Variants in RPL32 observed in about 807,000 individuals in gnomAD.
The protein encoded by RPL32 is large ribosomal subunit protein eL32.
For missense variants in RPL32, 117 were observed against 173.7 expected, an observed-to-expected ratio of 0.67 and a Z score of 1.83; for synonymous variants, 61 against 62.6, an observed-to-expected ratio of 0.98 and a Z score of 0.12.
Position 12,839,494 on chromosome 3 carries a change from C to T in RPL32, c.133G>A (p.Val45Ile), listed in dbSNP as rs762913035. ...ATCTGGCCCTTGAATCTTCTACGAACCCTGTTGTCAATGCCTCTGGGTTTC... is the reference window on the plus strand; with the variant it reads ...ATCTGGCCCTTGAATCTTCTACGAATCCTGTTGTCAATGCCTCTGGGTTTC... Reference protein sequence around the residue: ...WRKPRGIDNRVRRRFKGQILM... With the variant: ...WRKPRGIDNRIRRRFKGQILM... Residue 45 changes from valine to isoleucine, a missense_variant, in exon 3 of 4, where the codon GTT becomes ATT. Transcript: ENST00000429711. 6.2e-7 allele frequency: 1 copy of T among 1,614,160 alleles called. No individual in the cohort carries two copies. Among genetic ancestry groups the T allele is most frequent in the Admixed American group, 1.7e-5 (1 of 60,014 alleles).
At position 12,840,191 on chromosome 3, in the gene RPL32, C is replaced by T; in HGVS notation, c.47G>A (p.Arg16Lys). Residue 16 changes from arginine (R) to lysine (K), a missense_variant, in exon 2 of 4, where the codon AGA becomes AAA. Coordinates refer to ENST00000429711, the MANE Select transcript of RPL32 (RefSeq NM_000994.4). ...PLVKPKIVKKRTKKFIRHQSD... is the reference protein window; with the variant it reads ...PLVKPKIVKKKTKKFIRHQSD... The stretch of plus-strand genomic sequence containing the variant: ...CTGGTGCCGGATGAACTTCTTGGTT[C>T]TCTTTTTGACGATCTTGGGCTTCAC... 1 of 1,614,096 alleles carries T rather than the reference C, an allele frequency of 6.2e-7. No homozygotes were observed. Among genetic ancestry groups the T allele is most frequent in the Non-Finnish European group, 8.5e-7 (1 of 1,179,948 alleles).
chr3:12,840,768 A>C, intron 1 of RPL32: 1 of 287,680 alleles, frequency 3.5e-6, no homozygotes. Context: ...ACCACCATAT[A>C]CCTCTGAAGA....
chr3:12,840,464 C>T, intron 1 of RPL32: 1 of 679,564 alleles, frequency 1.5e-6, no homozygotes, highest in Admixed American at 1.8e-5. Context: ...GGTCACCTCA[C>T]CCACTCAGAG....
At chr3:12,839,322 G>C (rs746630575) in intron 3 of RPL32, 27 bp downstream of exon 3, 2 of 1,610,030 alleles carry the variant, frequency 1.2e-6, no homozygotes, top group African/African-American at 2.7e-5. Context: ...TCTGATCACT[G>C]AAAACTAGAG....
At position 12,840,216 on chromosome 3, in the gene RPL32, C is replaced by T. The variant is rs745440912; in HGVS notation, c.22G>A (p.Val8Met). Residue 8 changes from valine to methionine, a missense_variant, in exon 2 of 4, where the codon GTG (valine) becomes ATG (methionine). Val to Met is a conservative substitution (Grantham distance 21). Coordinates refer to ENST00000429711, the MANE Select transcript of RPL32 (RefSeq NM_000994.4). MAALRPL[V>M]KPKIVKKRTK... ...CTCTTTTTGACGATCTTGGGCTTCA[C>T]AAGGGGTCTGAGGGCGGCCATGATG... is the stretch of plus-strand genomic sequence containing the variant. 1 of 1,613,984 alleles carries T rather than the reference C, an allele frequency of 6.2e-7. No homozygotes were observed. Among genetic ancestry groups the T allele is most frequent in the South Asian group, 1.1e-5 (1 of 91,084 alleles).
At chr3:12,836,877 T>G (rs903773222) in intron 3 of RPL32, among the ~76,000 whole-genome samples, 3 of 152,186 alleles carry the variant, frequency 2.0e-5, no homozygotes, top group African/African-American at 4.8e-5. Context: ...CCACCCACAG[T>G]GGTTAAGAAC....
Position 12,840,261 on chromosome 3 carries a change from C to T in RPL32, c.-5-19G>A, listed in dbSNP as rs750082320. 1.3e-6 allele frequency: 2 copies of T among 1,567,114 alleles called. No homozygotes were observed. Among genetic ancestry groups the T allele is most frequent in the Admixed American group, 1.7e-5 (1 of 59,954 alleles). On this transcript the variant is annotated intron_variant, in intron 1 of 3. Coordinates refer to ENST00000429711, the MANE Select transcript of RPL32 (RefSeq NM_000994.4). ...ATGATGCCTTTTGGGGAAGAAGCGG[C>T]CCCAGGTGAGGAAGAATCCTGGAAG... is the stretch of plus-strand genomic sequence containing the variant.
chr3:12,840,741 C>A lies in RPL32; in HGVS notation c.-5-499G>T, dbSNP rs947039153. 15 of 331,040 alleles carry A rather than the reference C, an allele frequency of 4.5e-5. No homozygotes were observed. The Admixed American group carries it at 5.1e-4, about 11-fold the overall frequency. The allele number at this position is 331,040 out of a possible 1,614,324, so 20.5% of individuals were successfully genotyped here. On this transcript the variant is annotated intron_variant, in intron 1 of 3. Transcript: ENST00000429711. ...CCTAGGGAGCTGCTGCGCTACCACA[C>A]CCTCAACACACACAAAACCACCATA...
chr3:12,836,270 C>A (rs778410581), intron 3 of RPL32, 47 bp from the exon 4 acceptor site: 2 of 1,598,428 alleles, frequency 1.3e-6, no homozygotes, highest in Non-Finnish European at 1.7e-6. Flanking sequence ...CCTCAACACA[C>A]TTGGAAAATT....
intron 1 of RPL32, 90 bp from the exon 2 acceptor site, chr3:12,840,332 C>T: frequency 3.2e-6 from 3 of 937,658 alleles, no homozygotes; most frequent in South Asian, 1.3e-5. Flanking sequence ...GAGTGTCTTC[C>T]AATCGCCAGC....
chr3:12,839,206 A>G, intron 3 of RPL32, 143 bp downstream of exon 3: 1 of 731,806 alleles, frequency 1.4e-6, no homozygotes, highest in Non-Finnish European at 2.3e-6. Context: ...AAAATCCTGC[A>G]AGGAACAACT....
chr3:12,835,112 A>G lies in RPL32; in HGVS notation c.*982T>C, dbSNP rs775177712. On this transcript the variant is annotated 3_prime_UTR_variant, in exon 4 of 4. Coordinates refer to ENST00000429711, the MANE Select transcript of RPL32 (RefSeq NM_000994.4). ...AACATCCTGTAAGCATTTCTGTCTC[A>G]TAAGTACCACATCCCATATCCCTCA... The G allele has an allele frequency of 2.6e-5, 4 of 152,230 alleles. No individual in the cohort carries two copies. Among genetic ancestry groups the G allele is most frequent in the Admixed American group, 6.5e-5 (1 of 15,278 alleles). 9.4% of individuals were successfully genotyped at this position (152,230 alleles called of 1,614,324 possible).
At chr3:12,840,569 C>T (rs148260818) in intron 1 of RPL32, 3 of 495,390 alleles carry the variant, frequency 6.1e-6, no homozygotes, top group East Asian at 1.0e-4. Context: ...AGTGTCCGAA[C>T]CCCCAGATGG....
chr3:12,840,264 C>T (rs2062139002), intron 1 of RPL32, 22 bp from the exon 2 acceptor site: 4 of 1,558,880 alleles, frequency 2.6e-6, no homozygotes, highest in Non-Finnish European at 3.5e-6. Flanking sequence ...GAAGCGGCCC[C>T]AGGTGAGGAA....
At chr3:12,838,671 AT>A (rs146626611) in intron 3 of RPL32, among the ~76,000 whole-genome samples, 7,042 of 152,134 alleles carry the variant, frequency 0.046, 530 homozygotes, top group African/African-American at 0.16. Context: ...CCCAGCAACC[AT>A]CTGAATGCAC....
chr3:12,841,114 A>G (rs1053606586), intron 1 of RPL32: 2 of 153,250 alleles, frequency 1.3e-5, no homozygotes, highest in Non-Finnish European at 2.9e-5. Context: ...GAAGCCGGCC[A>G]TGGCATGAAC....
chr3:12,840,431 A>G, intron 1 of RPL32, 189 bp from the exon 2 acceptor site: 1 of 717,006 alleles, frequency 1.4e-6, no homozygotes, highest in Non-Finnish European at 2.6e-6. Flanking sequence ...GGCACTCTCC[A>G]GATGCGATCC....
Position 12,835,952 on chromosome 3 carries a change from G to A in RPL32, c.*142C>T, listed in dbSNP as rs911459901. The A allele has an allele frequency of 6.1e-6, 6 of 980,308 alleles. No individual in the cohort carries two copies. The African/African-American group carries it at 8.1e-5, about 13-fold the overall frequency. The allele number at this position is 980,308 out of a possible 1,614,324, so 60.7% of individuals were successfully genotyped here. A position where few individuals can be genotyped will look rare whatever the true frequency, so the allele number is the denominator to read the frequency against. On this transcript the variant is annotated 3_prime_UTR_variant, in exon 4 of 4. Transcript: ENST00000429711. ...CTTTACAAATCCCCTCCAAATGGGA[G>A]ATTCCAAAGGGGCTTAAGCAAAAGA...
chr3:12,836,654 C>T (rs1383362511), intron 3 of RPL32, among the ~76,000 whole-genome samples: 1 of 152,126 alleles, frequency 6.6e-6, no homozygotes, highest in Non-Finnish European at 1.5e-5. Flanking sequence ...TGAATGGAGC[C>T]AAGAGCACCT....
Sources: gnomAD v4.1 joint callset for allele counts (sites outside exome capture counted in the v4.1 genomes callset) on GRCh38, gnomAD v4.1.1 for gene constraint, MANE v1.5 for transcripts, NCBI Gene and HGNC (gene_info 2026-07-23, HGNC 2026-07-21) for gene names.